The following RAB28 variants were observed in gnomAD, a reference collection of about 807,000 sequenced individuals.
The protein encoded by RAB28 is ras-related protein Rab-28.
In RAB28, 24 loss-of-function variants were observed where a neutral mutation model predicts 31.7. That is an observed-to-expected ratio of 0.76 (90% CI 0.55 to 1.06). The LOEUF (loss-of-function observed/expected upper bound fraction) is 1.06, where lower values mean the gene tolerates loss of function less well. Among genes scored for constraint, RAB28 ranks in the 50% least tolerant of loss-of-function variants. The pLI is 0.00. For missense variants in RAB28, 254 were observed against 258.5 expected, an observed-to-expected ratio of 0.98 and a Z score of 0.12; for synonymous variants, 100 against 90.4, an observed-to-expected ratio of 1.11 and a Z score of -0.60.
At chr4:13,478,750 T>C (rs947593789) in intron 2 of RAB28, among the ~76,000 whole-genome samples, 15 of 151,698 alleles carry the variant, frequency 9.9e-5, no homozygotes, top group African/African-American at 3.6e-4. Context: ...AAAGCCCCAA[T>C]TGTTCAGAAA....
At chr4:13,471,169 A>G (rs548380553) in intron 3 of RAB28, among the ~76,000 whole-genome samples, 5 of 152,224 alleles carry the variant, frequency 3.3e-5, no homozygotes, top group African/African-American at 1.2e-4. Flanking sequence ...GTCCTGTAGT[A>G]TATCAAAATC....
In RAB28 at chr4:13,368,660, A is replaced by C; in HGVS notation, c.574-10T>G. 1.3e-6 allele frequency: 2 copies of C among 1,598,856 alleles called. No individual in the cohort carries two copies. The highest frequency in any genetic ancestry group is 1.7e-6 in the Non-Finnish European group (2 of 1,168,300). On this transcript the variant is annotated splice_polypyrimidine_tract_variant and intron_variant, in intron 6 of 6. Coordinates refer to ENST00000330852, the MANE Select transcript of RAB28 (RefSeq NM_001017979.3). ...CTGCCTTCACCACCCTCTGTCATAA[A>C]AGAAAACAGAGTTATTATCAGGATA...
chr4:13,412,449 A>C (rs970350013), intron 4 of RAB28, among the ~76,000 whole-genome samples: 5 of 151,096 alleles, frequency 3.3e-5, no homozygotes, highest in Non-Finnish European at 3.0e-5. Flanking sequence ...ATATATTCTC[A>C]CACAAACAAC....
At chr4:13,478,608 C>T (rs1716470166) in intron 2 of RAB28, among the ~76,000 whole-genome samples, 1 of 151,728 alleles carries the variant, frequency 6.6e-6, no homozygotes, top group South Asian at 2.1e-4. Flanking sequence ...ACACTTGCAA[C>T]CATTTTCTCC....
intron 1 of RAB28, among the ~76,000 whole-genome samples, chr4:13,483,748 C>G (rs1716726588): frequency 6.6e-6 from 1 of 152,204 alleles, no homozygotes; most frequent in Non-Finnish European, 1.5e-5. Context: ...GTGACCCAGA[C>G]TACAAGTAAG....
At chr4:13,372,447 C>G (rs1227674045) in intron 6 of RAB28, among the ~76,000 whole-genome samples, 1 of 152,034 alleles carries the variant, frequency 6.6e-6, no homozygotes, top group Non-Finnish European at 1.5e-5. Flanking sequence ...ATTTCCTAAT[C>G]TATAAAAACA....
intron 3 of RAB28, among the ~76,000 whole-genome samples, chr4:13,465,049 T>C (rs575783211): frequency 1.3e-5 from 2 of 151,808 alleles, no homozygotes; most frequent in African/African-American, 2.4e-5. Context: ...GGACACGGCA[T>C]AGGAAAAAAA....
intron 4 of RAB28, among the ~76,000 whole-genome samples, chr4:13,395,373 T>C (rs564744347): frequency 5.1e-4 from 78 of 152,244 alleles, no homozygotes; most frequent in African/African-American, 1.7e-3. Context: ...TGAAACTTTA[T>C]GTGAAATTAC....
chr4:13,450,227 T>C (rs773608359), intron 4 of RAB28, among the ~76,000 whole-genome samples: 2 of 151,824 alleles, frequency 1.3e-5, no homozygotes, highest in Admixed American at 6.6e-5. Context: ...TTCTAACATA[T>C]ATGTAAAAGC....
chr4:13,433,849 T>C (rs556498930), intron 4 of RAB28, among the ~76,000 whole-genome samples: 4 of 152,104 alleles, frequency 2.6e-5, no homozygotes, highest in South Asian at 4.1e-4. Flanking sequence ...CCGAAAAATA[T>C]ATATATATGC....
intron 3 of RAB28, among the ~76,000 whole-genome samples, chr4:13,469,135 T>C (rs1716003656): frequency 1.3e-5 from 2 of 152,142 alleles, no homozygotes; most frequent in South Asian, 4.1e-4. Flanking sequence ...AGAACTCTTC[T>C]GATCCCTTCC....
chr4:13,374,158 A>G (rs891311214), intron 6 of RAB28, among the ~76,000 whole-genome samples: 3 of 152,174 alleles, frequency 2.0e-5, no homozygotes, highest in East Asian at 1.9e-4. Flanking sequence ...TTTGACAAAC[A>G]TATAGAAGAG....
At chr4:13,474,931 C>A (rs1215958371) in intron 2 of RAB28, among the ~76,000 whole-genome samples, 1 of 151,698 alleles carries the variant, frequency 6.6e-6, no homozygotes, top group East Asian at 1.9e-4. Flanking sequence ...TTGTCAGCTA[C>A]TATCGGATAT....
Position 13,484,263 on chromosome 4 carries a change from G to C in RAB28, c.-113C>G. ...GTAGTTGCGGCAGGACCCCCGCCCC[G>C]GTGTCTCCGCGCCGGCAGGAGGTAT... On this transcript the variant is annotated 5_prime_UTR_variant, in exon 1 of 7. Coordinates refer to ENST00000330852, the MANE Select transcript of RAB28 (RefSeq NM_001017979.3). The C allele has an allele frequency of 2.6e-6, 2 of 782,450 alleles. No individual in the cohort carries two copies. The highest frequency in any genetic ancestry group is 2.2e-6 in the Non-Finnish European group (1 of 457,132). The allele number at this position is 782,450 out of a possible 1,614,324, so 48.5% of individuals were successfully genotyped here.
Position 13,484,184 on chromosome 4 carries a change from G to T in RAB28, c.-34C>A, listed in dbSNP as rs755363569. 11 of 1,510,398 alleles carry T rather than the reference G, an allele frequency of 7.3e-6. No individual in the cohort carries two copies. Among genetic ancestry groups the T allele is most frequent in the Middle Eastern group, 1.7e-4 (1 of 5,886 alleles). The allele number at this position is 1,510,398 out of a possible 1,614,324, so 93.6% of individuals were successfully genotyped here. A position where few individuals can be genotyped will look rare whatever the true frequency, so the allele number is the denominator to read the frequency against. On this transcript the variant is annotated 5_prime_UTR_variant, in exon 1 of 7. Coordinates refer to ENST00000330852, the MANE Select transcript of RAB28 (RefSeq NM_001017979.3). The stretch of plus-strand genomic sequence containing the variant: ...GGGAACCAGGCCCGCCCCTCGAGGT[G>T]GGGGGGGAAGGGAAGGATGAAGGCT...
chr4:13,389,108 T>G (rs1729513085), intron 4 of RAB28, among the ~76,000 whole-genome samples: 1 of 152,146 alleles, frequency 6.6e-6, no homozygotes, highest in East Asian at 1.9e-4. Flanking sequence ...ATATATACAA[T>G]GGAATATTAT....
chr4:13,383,509 T>C (rs1729223596), intron 4 of RAB28, among the ~76,000 whole-genome samples: 1 of 152,176 alleles, frequency 6.6e-6, no homozygotes. Context: ...CAAACATTTA[T>C]TGAGCATCTA....
At chr4:13,414,585 G>A (rs139458849) in intron 4 of RAB28, among the ~76,000 whole-genome samples, 1 of 152,200 alleles carries the variant, frequency 6.6e-6, no homozygotes, top group African/African-American at 2.4e-5. Flanking sequence ...GAAACATATG[G>A]GGTATTTCCC....
chr4:13,387,683 G>A (rs979650669), intron 4 of RAB28, among the ~76,000 whole-genome samples: 18 of 151,964 alleles, frequency 1.2e-4, no homozygotes, highest in Non-Finnish European at 2.7e-4. Context: ...GAAATCTGAA[G>A]AAAATAGCTG....
Sources: allele counts gnomAD v4.1 joint callset (sites outside exome capture counted in the v4.1 genomes callset), GRCh38; gene constraint gnomAD v4.1.1; transcripts MANE v1.5; gene names NCBI Gene and HGNC (gene_info 2026-07-23, HGNC 2026-07-21).